Variants in NOL7 observed in about 807,000 individuals in gnomAD.
NOL7 encodes nucleolar protein 7.
In NOL7, 36 loss-of-function variants were observed where a neutral mutation model predicts 38.4. The ratio of observed to expected loss-of-function variants is 0.94; its 90% CI spans 0.72 to 1.24. The LOEUF (loss-of-function observed/expected upper bound fraction) is 1.24, where lower values mean the gene tolerates loss of function less well. NOL7 is among the 50% of genes most tolerant of loss of function. The probability of loss-of-function intolerance (pLI) is 0.00; values close to 1 mark genes in which losing one functional copy is unlikely to be tolerated. For missense variants in NOL7, 350 were observed against 315.1 expected, an observed-to-expected ratio of 1.11 and a Z score of -0.84; for synonymous variants, 142 against 126.5, an observed-to-expected ratio of 1.12 and a Z score of -0.82.
downstream of NOL7, chr6:13,622,107 G>T: frequency 2.0e-5 from 5 of 252,284 alleles, no homozygotes; most frequent in Non-Finnish European, 3.6e-5. Context: ...GATTTGTGAT[G>T]ATCAATTTGA....
At position 13,620,436 on chromosome 6, in the gene NOL7, G is replaced by A. The variant is rs1764411600; in HGVS notation, c.651G>A (p.Lys217=). The A allele has an allele frequency of 1.2e-6, 2 of 1,613,976 alleles. No individual in the cohort carries two copies. The highest frequency in any genetic ancestry group is 1.7e-6 in the Non-Finnish European group (2 of 1,180,014). The change falls in exon 7 of 8, where the codon AAG becomes AAA. Residue 217 remains lysine (K), a synonymous_variant. Transcript: ENST00000451315. ...TVNKFLSLAN[K]RLPVKRAAVQ... is the part of the protein sequence containing the mutation. The stretch of plus-strand genomic sequence containing the variant: ...ATAAGTTCCTGTCTCTTGCCAACAA[G>A]AGGTTACCAGTGAAAAGAGCTGCTG...
At chr6:13,619,885 G>C (rs750936002) in intron 5 of NOL7, among the ~76,000 whole-genome samples, 2 of 152,190 alleles carry the variant, frequency 1.3e-5, no homozygotes, top group African/African-American at 2.4e-5. Flanking sequence ...GCCTGGGCAC[G>C]GTGGCTCATG....
chr6:13,618,049 A>C lies in NOL7; in HGVS notation c.419-9A>C. 1 of 1,417,896 alleles carries C rather than the reference A, an allele frequency of 7.1e-7. No homozygotes were observed. Among genetic ancestry groups the C allele is most frequent in the Non-Finnish European group, 9.9e-7 (1 of 1,012,552 alleles). 87.8% of individuals were successfully genotyped at this position (1,417,896 alleles called of 1,614,324 possible). On this transcript the variant is annotated splice_polypyrimidine_tract_variant and intron_variant, in intron 4 of 7. Coordinates refer to ENST00000451315, the MANE Select transcript of NOL7 (RefSeq NM_016167.5). Reference sequence around the variant, plus strand: ...AATGCTAATTAGAAAATGTAACTCTATTTTTTAGTTAATTTGCAAAAGAAA... The same window carrying C: ...AATGCTAATTAGAAAATGTAACTCTCTTTTTTAGTTAATTTGCAAAAGAAA...
chr6:13,627,630 C>CAAAAAAAAAAAAAAA (rs35401168), intron 8 of NOL7, among the ~76,000 whole-genome samples: 41 of 66,384 alleles, frequency 6.2e-4, no homozygotes, highest in East Asian at 5.0e-3. Flanking sequence ...ACTCCATCTC[C>CAAAAAAAAAAAAAAA]AAAAAAAAAA....
exon 9 of NOL7, chr6:13,632,398 T>C (rs747793885): frequency 1.9e-6 from 3 of 1,613,060 alleles, no homozygotes; most frequent in South Asian, 1.1e-5. Flanking sequence ...TGCAGTGTTC[T>C]TGCCACAGTC....
downstream of NOL7, among the ~76,000 whole-genome samples, chr6:13,624,526 A>AC (rs796763702): frequency 8.3e-4 from 127 of 152,302 alleles, no homozygotes; most frequent in African/African-American, 2.9e-3. Context: ...TATATAAATT[A>AC]CCTTTGATGA....
downstream of NOL7, chr6:13,625,507 T>G: frequency 4.3e-6 from 2 of 466,708 alleles, no homozygotes; most frequent in Non-Finnish European, 7.7e-6. Context: ...AGGAGGGGGT[T>G]TCTATATTTT....
chr6:13,615,936 T>G (rs1436823685), intron 2 of NOL7, among the ~76,000 whole-genome samples, 164 bp downstream of exon 2: 2 of 152,002 alleles, frequency 1.3e-5, no homozygotes, highest in Non-Finnish European at 1.5e-5. Context: ...GGCAGTACTT[T>G]AGTTGGACGA....
chr6:13,617,850 C>T (rs1266901421), intron 4 of NOL7, 49 bp downstream of exon 4: 1 of 1,550,388 alleles, frequency 6.4e-7, no homozygotes, highest in Non-Finnish European at 8.9e-7. Context: ...GTCAAGTGCA[C>T]TTGCAGATGT....
At position 13,616,179 on chromosome 6, in the gene NOL7, A is replaced by T. The variant is rs896762185; in HGVS notation, c.328-284A>T. ...TTGCTGTCTGATACTCGACACAGAG[A>T]GCTGGCTCCAGGCAGACATTACTTA... On this transcript the variant is annotated intron_variant, in intron 2 of 7. Transcript: ENST00000451315. 3.3e-5 allele frequency among the ~76,000 whole-genome samples: 5 copies of T among 152,342 alleles called. No homozygotes were observed. In the East Asian group the frequency reaches 9.6e-4, roughly 29 times the overall value.
Position 13,618,052 on chromosome 6 carries a change from TTTTAG to T in NOL7, c.419-3_420del. The T allele has an allele frequency of 7.0e-7, 1 of 1,438,190 alleles. No individual in the cohort carries two copies. The highest frequency in any genetic ancestry group is 9.7e-7 in the Non-Finnish European group (1 of 1,031,204). 89.1% of individuals were successfully genotyped at this position (1,438,190 alleles called of 1,614,324 possible). A position where few individuals can be genotyped will look rare whatever the true frequency, so the allele number is the denominator to read the frequency against. On this transcript the variant is annotated splice_acceptor_variant and splice_polypyrimidine_tract_variant and intron_variant, in intron 4 of 7. Transcript: ENST00000451315. LOFTEE classifies it high-confidence loss of function. The stretch of plus-strand genomic sequence containing the variant: ...GCTAATTAGAAAATGTAACTCTATT[TTTTAG>T]TTAATTTGCAAAAGAAAAATGAAGA...
rs761932729 is a variant in NOL7 at position 13,615,460 on chromosome 6, G to A, written c.102G>A (p.Gly34=). 119 of 1,550,586 alleles carry A rather than the reference G, an allele frequency of 7.7e-5. No homozygotes were observed. Among genetic ancestry groups the A allele is most frequent in the Non-Finnish European group, 9.7e-5 (111 of 1,147,150 alleles). The part of the protein sequence containing the change: ...LASEEEEAEH[G]LLLGQPSSGA... ...CGGAGGAGGAGGAGGCGGAGCACGG[G>A]CTGTTGCTCGGGCAGCCCAGCAGCG... The change falls in exon 1 of 8, where the codon GGG becomes GGA. Residue 34 remains glycine, a synonymous_variant. Transcript: ENST00000451315.
At chr6:13,626,484 T>A (rs1327385676), downstream of NOL7, among the ~76,000 whole-genome samples, 1 of 152,220 alleles carries the variant, frequency 6.6e-6, no homozygotes, top group Non-Finnish European at 1.5e-5. Context: ...TACTGCATAA[T>A]GGGGACTATA....
chr6:13,617,176 T>G (rs940186957), intron 3 of NOL7, among the ~76,000 whole-genome samples: 2 of 152,044 alleles, frequency 1.3e-5, no homozygotes, highest in Non-Finnish European at 2.9e-5. Flanking sequence ...TAAGAGCAAA[T>G]CTATTTGGTG....
chr6:13,628,483 T>A (rs932288692), intron 8 of NOL7, among the ~76,000 whole-genome samples: 2 of 152,166 alleles, frequency 1.3e-5, no homozygotes, highest in African/African-American at 4.8e-5. Flanking sequence ...AAGCTTCAAG[T>A]TTTTCCAATA....
intron 8 of NOL7, chr6:13,632,344 A>T (rs1764812147): frequency 1.9e-6 from 3 of 1,602,584 alleles, no homozygotes; most frequent in Admixed American, 1.7e-5. Context: ...ACATATTCAT[A>T]ATTTTTCAAG....
intron 2 of NOL7, 129 bp from the exon 3 acceptor site, chr6:13,616,334 G>T: frequency 1.7e-6 from 1 of 595,998 alleles, no homozygotes; most frequent in Non-Finnish European, 2.9e-6. Context: ...AGGTATGGGG[G>T]CAGTTTCCAG....
downstream of NOL7, among the ~76,000 whole-genome samples, chr6:13,624,188 T>C (rs1294487311): frequency 6.6e-6 from 1 of 152,226 alleles, no homozygotes; most frequent in African/African-American, 2.4e-5. Flanking sequence ...ACTACTCCTA[T>C]TCCCAAACTT....
Position 13,620,752 on chromosome 6 carries a change from A to G in NOL7, c.701-2A>G. 1 of 1,581,966 alleles carries G rather than the reference A, an allele frequency of 6.3e-7. No individual in the cohort carries two copies. The highest frequency in any genetic ancestry group is 1.2e-5 in the South Asian group (1 of 86,680). On this transcript the variant is annotated splice_acceptor_variant, in intron 7 of 7. Transcript: ENST00000451315. LOFTEE classifies it high-confidence loss of function. ...CTTACTGCAGAAAACTTTATATTCTAGGAATCCAAAAAAAACAAAATGCCA... is the reference window on the plus strand; with the variant it reads ...CTTACTGCAGAAAACTTTATATTCTGGGAATCCAAAAAAAACAAAATGCCA...
Sources: gnomAD v4.1 joint callset for allele counts (sites outside exome capture counted in the v4.1 genomes callset) on GRCh38, gnomAD v4.1.1 for gene constraint, MANE v1.5 for transcripts, NCBI Gene and HGNC (gene_info 2026-07-23, HGNC 2026-07-21) for gene names.